ERICH6: variants seen among roughly 807,000 people sequenced by gnomAD.
The protein encoded by ERICH6 is glutamate rich 6.
ERICH6 carries 71 observed loss-of-function variants against 71.0 expected under a neutral mutation model. The observed-to-expected ratio is 1.00, with a 90% CI of 0.83 to 1.22. ERICH6 has a LOEUF of 1.22. Ranked by LOEUF, ERICH6 falls within the 50% of genes most tolerant of loss-of-function variation. ERICH6 has a pLI of 0.00. For synonymous variants in ERICH6, 262 were observed against 278.4 expected (o/e 0.94, Z 0.59); for missense variants, 808 against 797.2 (o/e 1.01, Z -0.16).
chr3:150,665,508 T>C (rs1576546103), intron 13 of ERICH6, among the ~76,000 whole-genome samples: 2 of 57,136 alleles, frequency 3.5e-5, no homozygotes, highest in Non-Finnish European at 5.9e-5. Flanking sequence ...GGAGAGAGAC[T>C]CCATCTCAAA....
At position 150,686,298 on chromosome 3, in the gene ERICH6, C is replaced by G; in HGVS notation, c.610G>C (p.Glu204Gln). Residue 204 changes from glutamate to glutamine, a missense_variant and splice_region_variant, in exon 4 of 14, where the codon GAA becomes CAA. Glu to Gln is a conservative substitution (Grantham distance 29). Transcript: ENST00000295910. ...EPECLASKLR[E>Q]KWVINPEESK... ...GAGATGATGCCAAACATGTATTTAC[C>G]TCTTAACTTAGATGCCAGACATTCA... 1 of 1,614,080 alleles carries G rather than the reference C, an allele frequency of 6.2e-7. No individual in the cohort carries two copies. Among genetic ancestry groups the G allele is most frequent in the Non-Finnish European group, 8.5e-7 (1 of 1,179,962 alleles).
chr3:150,669,681 G>A (rs552528488), intron 11 of ERICH6, among the ~76,000 whole-genome samples: 5 of 152,222 alleles, frequency 3.3e-5, no homozygotes, highest in African/African-American at 1.2e-4. Flanking sequence ...AAAGGATTAC[G>A]CACCATGATG....
chr3:150,662,212 G>A (rs1389806112), intron 13 of ERICH6, among the ~76,000 whole-genome samples: 1 of 152,230 alleles, frequency 6.6e-6, no homozygotes, highest in Non-Finnish European at 1.5e-5. Flanking sequence ...AAGAGCGAAT[G>A]AGTGAGGGGA....
At chr3:150,696,350 G>T (rs1712657417) in intron 3 of ERICH6, among the ~76,000 whole-genome samples, 2 of 151,950 alleles carry the variant, frequency 1.3e-5, no homozygotes, top group African/African-American at 4.8e-5. Context: ...AGTTTTAGAA[G>T]AAAATGTAGG....
chr3:150,672,941 C>T (rs72616694), intron 11 of ERICH6, among the ~76,000 whole-genome samples: 16,097 of 151,838 alleles, frequency 0.11, 1,348 homozygotes, highest in East Asian at 0.45. Flanking sequence ...GGGGGGACTG[C>T]TTGAACCCAG....
intron 13 of ERICH6, among the ~76,000 whole-genome samples, chr3:150,661,196 G>A (rs1727212266): frequency 6.6e-6 from 1 of 152,154 alleles, no homozygotes; most frequent in Non-Finnish European, 1.5e-5. Flanking sequence ...ATGACGAAAT[G>A]AAACCACTAA....
Position 150,669,284 on chromosome 3 carries a change from C to A in ERICH6, c.1499+12G>T. 6.3e-7 allele frequency: 1 copy of A among 1,584,740 alleles called. No homozygotes were observed. Among genetic ancestry groups the A allele is most frequent in the South Asian group, 1.2e-5 (1 of 85,112 alleles). On this transcript the variant is annotated intron_variant, in intron 12 of 13. Coordinates refer to ENST00000295910, the MANE Select transcript of ERICH6 (RefSeq NM_152394.5). ...GCCACAAAATGGCAGCAGCAGGAAC[C>A]TAGAAGCTTACCAGACATTTCCATT...
At chr3:150,679,322 C>T (rs1711801725) in intron 9 of ERICH6, among the ~76,000 whole-genome samples, 1 of 152,064 alleles carries the variant, frequency 6.6e-6, no homozygotes, top group South Asian at 2.1e-4. Flanking sequence ...TTTAGGTGCA[C>T]TTACTACCTG....
At chr3:150,671,357 C>T (rs1398229120) in intron 11 of ERICH6, among the ~76,000 whole-genome samples, 1 of 152,102 alleles carries the variant, frequency 6.6e-6, no homozygotes, top group Non-Finnish European at 1.5e-5. Flanking sequence ...TTTTTACTTT[C>T]CTCAGATATT....
chr3:150,678,035 T>G (rs1711729201), intron 10 of ERICH6, among the ~76,000 whole-genome samples: 1 of 152,216 alleles, frequency 6.6e-6, no homozygotes, highest in Admixed American at 6.5e-5. Flanking sequence ...CACTCTTAAT[T>G]TAATTTAAGT....
intron 13 of ERICH6, among the ~76,000 whole-genome samples, chr3:150,662,714 C>A (rs1345876375): frequency 6.9e-6 from 1 of 144,892 alleles, no homozygotes; most frequent in Non-Finnish European, 1.5e-5. Context: ...AATGACAGCA[C>A]TATATATTAA....
intron 2 of ERICH6, among the ~76,000 whole-genome samples, chr3:150,700,502 C>G (rs536966749): frequency 1.2e-4 from 18 of 151,806 alleles, no homozygotes; most frequent in Non-Finnish European, 2.2e-4. Context: ...ATATGGGAAC[C>G]AATAAAGTGT....
intron 11 of ERICH6, among the ~76,000 whole-genome samples, 198 bp from the exon 12 acceptor site, chr3:150,669,649 C>T (rs943737307): frequency 6.6e-6 from 1 of 152,128 alleles, no homozygotes; most frequent in African/African-American, 2.4e-5. Flanking sequence ...CAAAATCTTG[C>T]AAATGAACTG....
intron 3 of ERICH6, among the ~76,000 whole-genome samples, chr3:150,691,212 A>G (rs926887181): frequency 6.6e-6 from 1 of 152,226 alleles, no homozygotes; most frequent in Non-Finnish European, 1.5e-5. Context: ...ATAATTAGGT[A>G]AATGTAATGG....
chr3:150,691,489 G>A (rs185813588), intron 3 of ERICH6, among the ~76,000 whole-genome samples: 437 of 152,178 alleles, frequency 2.9e-3, no homozygotes, highest in Non-Finnish European at 4.3e-3. Flanking sequence ...AAAGCTTAAA[G>A]AGAAATAATT....
intron 3 of ERICH6, among the ~76,000 whole-genome samples, chr3:150,695,047 C>T (rs1039868508): frequency 1.3e-5 from 2 of 152,206 alleles, no homozygotes; most frequent in Non-Finnish European, 2.9e-5. Flanking sequence ...TTCATGACAG[C>T]TGCATCCTCA....
chr3:150,686,247 T>A (rs1712180600), intron 4 of ERICH6, 51 bp downstream of exon 4: 13 of 1,578,476 alleles, frequency 8.2e-6, no homozygotes, highest in Non-Finnish European at 1.1e-5. Flanking sequence ...GATTCCCTTC[T>A]GGTAGTTTAC....
intron 6 of ERICH6, among the ~76,000 whole-genome samples, chr3:150,683,777 C>G (rs1712062985): frequency 1.3e-5 from 2 of 151,980 alleles, no homozygotes; most frequent in South Asian, 4.2e-4. Flanking sequence ...AAAACAAAAA[C>G]AAAAACACAA....
chr3:150,664,617 A>T (rs373046421), intron 13 of ERICH6, among the ~76,000 whole-genome samples: 4 of 151,844 alleles, frequency 2.6e-5, no homozygotes, highest in African/African-American at 9.7e-5. Context: ...ACTGCACTCC[A>T]GTCTGGGCAA....
Sources: allele counts gnomAD v4.1 joint callset (sites outside exome capture counted in the v4.1 genomes callset), GRCh38; gene constraint gnomAD v4.1.1; transcripts MANE v1.5; gene names NCBI Gene and HGNC (gene_info 2026-07-23, HGNC 2026-07-21).